Variants in DNAJC5B observed in about 807,000 individuals in gnomAD.
The protein encoded by DNAJC5B is DnaJ heat shock protein family (Hsp40) member C5 beta, also known as dnaJ homolog subfamily C member 5B.
In DNAJC5B, 23 loss-of-function variants were observed where a neutral mutation model predicts 24.7. The ratio of observed to expected loss-of-function variants is 0.93; its 90% confidence interval spans 0.67 to 1.32. The LOEUF (loss-of-function observed/expected upper bound fraction) is 1.32. Ranked by LOEUF, DNAJC5B falls within the 40% of genes most tolerant of loss-of-function variation. The pLI is 0.00. For missense variants in DNAJC5B, 238 were observed against 240.8 expected (o/e 0.99, Z 0.08); for synonymous variants, 101 against 90.1 (o/e 1.12, Z -0.68).
chr8:66,030,510 C>A (rs967960366), intron 1 of DNAJC5B, among the ~76,000 whole-genome samples: 1 of 152,212 alleles, frequency 6.6e-6, no homozygotes, highest in Admixed American at 6.5e-5. Context: ...TCACAATGGA[C>A]TTGCTGTGTC....
chr8:66,078,859 G>A (rs969106618), intron 4 of DNAJC5B, among the ~76,000 whole-genome samples: 5 of 152,306 alleles, frequency 3.3e-5, no homozygotes, highest in Non-Finnish European at 7.3e-5. Context: ...GGTCTATGAA[G>A]CAGGAGTGGG....
At chr8:66,049,828 T>C (rs559711843) in intron 2 of DNAJC5B, among the ~76,000 whole-genome samples, 1 of 152,210 alleles carries the variant, frequency 6.6e-6, no homozygotes, top group Non-Finnish European at 1.5e-5. Context: ...AGCATGAAAA[T>C]TATGCTCCTC....
chr8:66,034,361 ACCCCAC>A (rs1806433275), intron 1 of DNAJC5B, among the ~76,000 whole-genome samples: 1 of 151,818 alleles, frequency 6.6e-6, no homozygotes, highest in Non-Finnish European at 1.5e-5. Context: ...GCCAGCATTC[ACCCCAC>A]CAGCAGATGG....
chr8:66,062,985 A>G (rs1807118183), intron 3 of DNAJC5B, among the ~76,000 whole-genome samples: 1 of 152,224 alleles, frequency 6.6e-6, no homozygotes, highest in Admixed American at 6.5e-5. Context: ...ACTCCAGCCT[A>G]CGTGGCAGAG....
intron 5 of DNAJC5B, among the ~76,000 whole-genome samples, chr8:66,096,515 T>C (rs1454185234): frequency 6.6e-6 from 1 of 152,186 alleles, no homozygotes; most frequent in Non-Finnish European, 1.5e-5. Context: ...TAAAGTTCTT[T>C]CGATTTTTGA....
At chr8:66,059,132 C>T (rs1368469259) in intron 3 of DNAJC5B, among the ~76,000 whole-genome samples, 2 of 152,192 alleles carry the variant, frequency 1.3e-5, no homozygotes, top group East Asian at 3.8e-4. Flanking sequence ...AATAAATCTG[C>T]CTTTAGTATT....
intron 1 of DNAJC5B, among the ~76,000 whole-genome samples, chr8:66,036,157 G>A (rs1489771324): frequency 1.3e-5 from 2 of 152,170 alleles, no homozygotes; most frequent in Admixed American, 6.5e-5. Context: ...ACTCTTTGAC[G>A]TGCTCTGAGA....
At chr8:66,057,984 G>T (rs115019475) in intron 3 of DNAJC5B, 46 of 152,350 alleles carry the variant, frequency 3.0e-4, no homozygotes, top group African/African-American at 1.1e-3. Flanking sequence ...AAGAAGGAAA[G>T]AACAAGGGAG....
chr8:66,063,865 A>C (rs969152251), intron 3 of DNAJC5B, among the ~76,000 whole-genome samples: 4 of 152,116 alleles, frequency 2.6e-5, no homozygotes, highest in Admixed American at 1.3e-4. Context: ...CTTGTCTTTG[A>C]GACATATCTT....
chr8:66,070,792 C>G (rs1449067388), intron 3 of DNAJC5B, among the ~76,000 whole-genome samples: 1 of 152,166 alleles, frequency 6.6e-6, no homozygotes, highest in Non-Finnish European at 1.5e-5. Flanking sequence ...TGCTACCTGA[C>G]TTCAAACTAT....
chr8:66,085,149 A>G (rs1043328636), intron 5 of DNAJC5B, among the ~76,000 whole-genome samples: 1 of 152,180 alleles, frequency 6.6e-6, no homozygotes, highest in Non-Finnish European at 1.5e-5. Context: ...CCAAAAATCA[A>G]TTGGCCAGGG....
intron 3 of DNAJC5B, among the ~76,000 whole-genome samples, chr8:66,075,521 G>T (rs1024510165): frequency 1.3e-5 from 2 of 152,010 alleles, no homozygotes; most frequent in African/African-American, 4.8e-5. Flanking sequence ...TATAAATTCT[G>T]CATGTAAAAA....
At chr8:66,065,747 G>A (rs1489386305) in intron 3 of DNAJC5B, among the ~76,000 whole-genome samples, 1 of 152,200 alleles carries the variant, frequency 6.6e-6, no homozygotes, top group African/African-American at 2.4e-5. Flanking sequence ...ATATGGCTGT[G>A]TGAGAGGGGC....
intron 4 of DNAJC5B, among the ~76,000 whole-genome samples, chr8:66,078,658 G>T (rs1480836630): frequency 6.6e-6 from 1 of 152,208 alleles, no homozygotes; most frequent in African/African-American, 2.4e-5. Flanking sequence ...CACTGCACAG[G>T]AGGCTGTGGA....
chr8:66,057,387 A>G (rs1806988776), intron 3 of DNAJC5B: 1 of 152,228 alleles, frequency 6.6e-6, no homozygotes, highest in South Asian at 2.1e-4. Flanking sequence ...CCCGATCTGA[A>G]CAACCGATAA....
chr8:66,090,460 A>C (rs1490540497), intron 5 of DNAJC5B, among the ~76,000 whole-genome samples: 1 of 152,092 alleles, frequency 6.6e-6, no homozygotes, highest in African/African-American at 2.4e-5. Flanking sequence ...TAAAACAAAC[A>C]AACAAACAAA....
intron 1 of DNAJC5B, among the ~76,000 whole-genome samples, chr8:66,029,183 G>A (rs1806309341): frequency 6.6e-6 from 1 of 152,162 alleles, no homozygotes; most frequent in Non-Finnish European, 1.5e-5. Context: ...ACATTCTCCT[G>A]ACATTTAAAA....
intron 3 of DNAJC5B, among the ~76,000 whole-genome samples, chr8:66,070,195 G>A (rs1454028896): frequency 6.6e-6 from 1 of 152,168 alleles, no homozygotes; most frequent in East Asian, 1.9e-4. Context: ...ACATAGCAGT[G>A]GAAGTTCTGG....
intron 3 of DNAJC5B, among the ~76,000 whole-genome samples, chr8:66,054,863 G>T (rs1312104208): frequency 6.6e-6 from 1 of 152,128 alleles, no homozygotes; most frequent in East Asian, 1.9e-4. Flanking sequence ...AAGGCTTCAG[G>T]CTGGGACACT....
Sources: gnomAD v4.1 joint callset for allele counts (sites outside exome capture counted in the v4.1 genomes callset) on GRCh38, gnomAD v4.1.1 for gene constraint, MANE v1.5 for transcripts, NCBI Gene and HGNC (gene_info 2026-07-23, HGNC 2026-07-21) for gene names.